Variants in MARCO observed in about 807,000 individuals in gnomAD.
MARCO encodes macrophage receptor with collagenous structure, also known as macrophage receptor MARCO.
MARCO carries 72 observed loss-of-function variants against 70.0 expected under a neutral mutation model. The observed-to-expected ratio is 1.03, with a 90% CI of 0.85 to 1.25. The LOEUF is 1.25. Among genes scored for constraint, MARCO ranks in the 50% most tolerant of loss-of-function variants. The probability of loss-of-function intolerance (pLI) is 0.00; values close to 1 mark genes in which losing one functional copy is unlikely to be tolerated. For synonymous variants in MARCO, 273 were observed against 243.1 expected, an observed-to-expected ratio of 1.12 and a Z score of -1.14; for missense variants, 696 against 659.3, an observed-to-expected ratio of 1.06 and a Z score of -0.61.
chr2:118,952,578 G>A (rs1024139927), intron 1 of MARCO: 3 of 152,222 alleles, frequency 2.0e-5, no homozygotes, highest in Non-Finnish European at 2.9e-5. Context: ...CATGACCAAG[G>A]AAGTACTTTA....
intron 13 of MARCO, among the ~76,000 whole-genome samples, chr2:118,991,220 C>T (rs12987402): frequency 0.54 from 81,405 of 151,288 alleles, 22,755 homozygotes; most frequent in Non-Finnish European, 0.62. Flanking sequence ...AAGTTTTCTT[C>T]CTCATAAGCT....
At chr2:118,987,745 C>T (rs893170864) in intron 12 of MARCO, among the ~76,000 whole-genome samples, 2 of 152,228 alleles carry the variant, frequency 1.3e-5, no homozygotes, top group African/African-American at 4.8e-5. Context: ...ATTCCCACTC[C>T]AGTCCCACTA....
chr2:118,969,733 G>A (rs1425502921), intron 2 of MARCO, among the ~76,000 whole-genome samples: 3 of 152,182 alleles, frequency 2.0e-5, no homozygotes, highest in Non-Finnish European at 2.9e-5. Flanking sequence ...TCATAAACAC[G>A]TCTTGTGTGT....
In MARCO at chr2:118,982,057, A is replaced by T. The variant is rs1680402477; in HGVS notation, c.902-99A>T. The stretch of plus-strand genomic sequence containing the variant: ...GCCAAGAGGACTGTAAGGTGTTAAG[A>T]GGTACATGTCTCACTGCTGAAAACA... On this transcript the variant is annotated intron_variant, in intron 10 of 16. Transcript: ENST00000327097. The T allele has an allele frequency of 4.0e-6, 3 of 751,582 alleles. No homozygotes were observed. The African/African-American group carries it at 5.2e-5, about 13-fold the overall frequency. The allele number at this position is 751,582 out of a possible 1,614,324, so 46.6% of individuals were successfully genotyped here.
At chr2:118,957,253 G>A (rs1420461838) in intron 1 of MARCO, among the ~76,000 whole-genome samples, 1 of 151,772 alleles carries the variant, frequency 6.6e-6, no homozygotes, top group African/African-American at 2.4e-5. Flanking sequence ...ATAAACGAAG[G>A]AAAGAAGAGA....
At chr2:118,993,057 G>C in intron 15 of MARCO, 67 bp from the exon 16 acceptor site, 6 of 1,353,022 alleles carry the variant, frequency 4.4e-6, no homozygotes, top group South Asian at 1.3e-5. Context: ...TGAAAAGAAA[G>C]AGCCCGCACT....
intron 1 of MARCO, among the ~76,000 whole-genome samples, chr2:118,952,088 T>TTAC: frequency 6.7e-6 from 1 of 149,102 alleles, no homozygotes; most frequent in Admixed American, 6.6e-5. Context: ...AGCCTCTTTC[T>TTAC]TACCCCTTTC....
At chr2:118,958,358 G>A (rs553833787) in intron 1 of MARCO, among the ~76,000 whole-genome samples, 11 of 149,878 alleles carry the variant, frequency 7.3e-5, no homozygotes, top group African/African-American at 2.5e-4. Context: ...CACCAACAGT[G>A]ACCAATCAGA....
chr2:118,977,375 C>T (rs1250261821), intron 6 of MARCO, 96 bp from the exon 7 acceptor site: 2 of 1,013,836 alleles, frequency 2.0e-6, no homozygotes, highest in Non-Finnish European at 3.1e-6. Flanking sequence ...TTCTGGGAAC[C>T]TTGCTCAACT....
At chr2:118,954,806 A>G (rs1453272236) in intron 1 of MARCO, among the ~76,000 whole-genome samples, 1 of 152,202 alleles carries the variant, frequency 6.6e-6, no homozygotes, top group African/African-American at 2.4e-5. Context: ...GACTAGACCC[A>G]GAAGAGAGAC....
chr2:118,971,082 G>A (rs1266373152), intron 3 of MARCO, among the ~76,000 whole-genome samples: 1 of 152,232 alleles, frequency 6.6e-6, no homozygotes, highest in African/African-American at 2.4e-5. Flanking sequence ...GAGTGGGGGT[G>A]TGAGGAGGGG....
At chr2:118,953,390 A>G (rs1679765003) in intron 1 of MARCO, among the ~76,000 whole-genome samples, 1 of 152,232 alleles carries the variant, frequency 6.6e-6, no homozygotes, top group African/African-American at 2.4e-5. Flanking sequence ...GAAACTTTTT[A>G]CTTTCTACAT....
At chr2:118,961,225 G>C (rs1307541442) in intron 1 of MARCO, among the ~76,000 whole-genome samples, 1 of 150,280 alleles carries the variant, frequency 6.7e-6, no homozygotes, top group Non-Finnish European at 1.5e-5. Flanking sequence ...CTTTATAATA[G>C]AATGGTTTGT....
intron 1 of MARCO, among the ~76,000 whole-genome samples, chr2:118,943,650 T>A (rs1406451715): frequency 6.6e-6 from 1 of 152,188 alleles, no homozygotes; most frequent in African/African-American, 2.4e-5. Flanking sequence ...CTTCCAAAGT[T>A]TAAAGGATAA....
In MARCO at chr2:118,974,545, C is replaced by T. The variant is rs766628118; in HGVS notation, c.593C>T (p.Pro198Leu). ...ATGPSGPQGP[P>L]GVKGEAGLQG... ...GGCCCCTCGGGACCCCAAGGCCCACCGGGAGTCAAGGGAGAGGCGGGTGAG... is the reference window on the plus strand; with the variant it reads ...GGCCCCTCGGGACCCCAAGGCCCACTGGGAGTCAAGGGAGAGGCGGGTGAG... Residue 198 changes from proline to leucine, a missense_variant, in exon 6 of 17, where the codon CCG becomes CTG. Coordinates refer to ENST00000327097, the MANE Select transcript of MARCO (RefSeq NM_006770.4). The T allele has an allele frequency of 2.0e-5, 32 of 1,613,706 alleles. No homozygotes were observed. The highest frequency in any genetic ancestry group is 1.3e-4 in the Admixed American group (8 of 59,990).
chr2:118,991,556 C>T (rs1680621695), intron 13 of MARCO, among the ~76,000 whole-genome samples: 1 of 152,212 alleles, frequency 6.6e-6, no homozygotes, highest in African/African-American at 2.4e-5. Flanking sequence ...TGGAATACCA[C>T]CAGCTATTTT....
chr2:118,990,588 G>A lies in MARCO; in HGVS notation c.1064-1G>A, dbSNP rs1244272026. 1.5e-6 allele frequency: 2 copies of A among 1,340,496 alleles called. No individual in the cohort carries two copies. Among genetic ancestry groups the A allele is most frequent in the Non-Finnish European group, 2.1e-6 (2 of 950,144 alleles). The allele number at this position is 1,340,496 out of a possible 1,614,324, so 83.0% of individuals were successfully genotyped here. A position where few individuals can be genotyped will look rare whatever the true frequency, so the allele number is the denominator to read the frequency against. On this transcript the variant is annotated splice_acceptor_variant, in intron 12 of 16. Transcript: ENST00000327097. LOFTEE classifies it high-confidence loss of function. ...CCCCCCCTTTTTTGTTTTGATCTTA[G>A]GACTTCAAGGACAGCAAGGAAGAAA...
chr2:118,943,221 C>T lies in MARCO; in HGVS notation c.97+824C>T, dbSNP rs565909336. Among the ~76,000 whole-genome samples the T allele has an allele frequency of 9.4e-4, 143 of 152,272 alleles. 1 individual carries two copies. The highest frequency in any genetic ancestry group is 6.8e-3 in the Middle Eastern group (2 of 294). On this transcript the variant is annotated intron_variant, in intron 1 of 16. Transcript: ENST00000327097. ...TCATCCCACACCTGTCTGCCCAGGT[C>T]CCTGCCTGGAATTTTCAGCGCACAA...
rs2104615106 is a variant in MARCO at position 118,992,435 on chromosome 2, C to A, written c.1211C>A (p.Ser404Tyr). 1 of 1,613,728 alleles carries A rather than the reference C, an allele frequency of 6.2e-7. No individual in the cohort carries two copies. The highest frequency in any genetic ancestry group is 1.7e-4 in the Middle Eastern group (1 of 6,060). The stretch of plus-strand genomic sequence containing the variant: ...GTGGGTTTTCTCCTCATGACAGGAT[C>A]TTCTGGGGAGCAAGGAGTAAAGGGA... The part of the protein sequence containing the change: ...GQKGDQGVKG[S>Y]SGEQGVKGEK... Residue 404 changes from serine to tyrosine, a missense_variant, in exon 15 of 17, where the codon TCT (serine) becomes TAT (tyrosine). By Grantham distance (144) the Ser-to-Tyr change is moderately radical. Around this residue, in one of 3 missense-constraint regions of MARCO, gnomAD observed 605 missense variants for 537.6 expected, o/e 1.13. Transcript: ENST00000327097.
Sources: allele counts gnomAD v4.1 joint callset (sites outside exome capture counted in the v4.1 genomes callset), GRCh38; gene constraint gnomAD v4.1.1; regional missense constraint gnomAD v4.1.1; transcripts MANE v1.5; gene names NCBI Gene and HGNC (gene_info 2026-07-23, HGNC 2026-07-21).